Variants in CNTN2 observed in about 807,000 individuals in gnomAD.
CNTN2 encodes the protein contactin-2.
In CNTN2, 53 loss-of-function variants were observed where a neutral mutation model predicts 117.5. That is an observed-to-expected ratio of 0.45 (90% CI 0.36 to 0.57). The LOEUF is 0.57. Ranked by LOEUF, CNTN2 falls within the 20% of genes least tolerant of loss-of-function variation. The pLI is 0.00. For synonymous variants in CNTN2, 530 were observed against 561.7 expected, an observed-to-expected ratio of 0.94 and a Z score of 0.80; for missense variants, 1,106 against 1,404.3, an observed-to-expected ratio of 0.79 and a Z score of 3.39.
Position 205,070,512 on chromosome 1 carries a change from A to T in CNTN2, c.2518A>T (p.Met840Leu), listed in dbSNP as rs774325639. 6.2e-7 allele frequency: 1 copy of T among 1,613,880 alleles called. No individual in the cohort carries two copies. Among genetic ancestry groups the T allele is most frequent in the South Asian group, 1.1e-5 (1 of 91,036 alleles). ...NVTWEPVQQD[M>L]NGILLGYEIR... ...GACCTGGGAACCCGTGCAGCAGGAC[A>T]TGAATGGTATCCTCCTGGGGTATGA... The change falls in exon 19 of 23, where the codon ATG (methionine) becomes TTG (leucine). Residue 840 changes from methionine to leucine, a missense_variant. Coordinates refer to ENST00000331830, the MANE Select transcript of CNTN2 (RefSeq NM_005076.5).
At position 205,075,211 on chromosome 1, in the gene CNTN2, A is replaced by G. The variant is rs11240351; in HGVS notation, c.*1446A>G. 0.46 allele frequency: 128,145 copies of G among 278,686 alleles called. 31,695 individuals carry two copies. Among genetic ancestry groups the G allele is most frequent in the East Asian group, 0.85 (13,969 of 16,360 alleles). 17.3% of individuals were successfully genotyped at this position (278,686 alleles called of 1,614,324 possible). ...TGGCTATGGCCTGGCTAAGAAGGTG[A>G]TTAGTCAGTAGGGTGTGAAAATTCT... is the stretch of plus-strand genomic sequence containing the variant. On this transcript the variant is annotated 3_prime_UTR_variant, in exon 23 of 23. Transcript: ENST00000331830.
chr1:205,074,098 G>T lies in CNTN2; in HGVS notation c.*333G>T. On this transcript the variant is annotated 3_prime_UTR_variant, in exon 23 of 23. Coordinates refer to ENST00000331830, the MANE Select transcript of CNTN2 (RefSeq NM_005076.5). ...AAAAACATGTCTTCAACTCAGCAGA[G>T]ATGGCCCTCTGGGACCCTATACGGA... 1.8e-6 allele frequency: 1 copy of T among 557,616 alleles called. No individual in the cohort carries two copies. 34.5% of individuals were successfully genotyped at this position (557,616 alleles called of 1,614,324 possible).
At chr1:205,064,969 G>T in intron 12 of CNTN2, 118 bp from the exon 13 acceptor site, 1 of 1,291,346 alleles carries the variant, frequency 7.7e-7, no homozygotes, top group African/African-American at 1.5e-5. Flanking sequence ...GGACCTGTGG[G>T]TCACACCACC....
intron 2 of CNTN2, among the ~76,000 whole-genome samples, chr1:205,055,714 C>T (rs1208324482): frequency 6.6e-6 from 1 of 152,160 alleles, no homozygotes; most frequent in Non-Finnish European, 1.5e-5. Context: ...TGGCCAAGGT[C>T]CAACCCCCCA....
Position 205,065,931 on chromosome 1 carries a change from C to T in CNTN2, c.1816+22C>T. On this transcript the variant is annotated intron_variant, in intron 14 of 22. Transcript: ENST00000331830. This position sits in a 1 kb window ranked among gnomAD's most constrained non-coding sequence, Gnocchi z 4.1. ...CGAGGTGAGGGGTTTCCCACCTCTA[C>T]CCCTACCCCAACTCCCTTAAAACCC... The T allele has an allele frequency of 6.3e-7, 1 of 1,592,918 alleles. No individual in the cohort carries two copies. The highest frequency in any genetic ancestry group is 1.1e-5 in the South Asian group (1 of 87,480).
chr1:205,067,014 G>C, intron 15 of CNTN2, 87 bp from the exon 16 acceptor site: 1 of 1,491,842 alleles, frequency 6.7e-7, no homozygotes, highest in Non-Finnish European at 9.0e-7. Context: ...GGGCTGGGTA[G>C]ATAAGGGGTG....
chr1:205,062,059 C>A, intron 9 of CNTN2, 58 bp downstream of exon 9: 1 of 1,572,324 alleles, frequency 6.4e-7, no homozygotes. Context: ...CACTTGGTTC[C>A]CTCCCCCGCC....
At chr1:205,050,907 C>T (rs1341645369) in intron 1 of CNTN2, among the ~76,000 whole-genome samples, 1 of 152,234 alleles carries the variant, frequency 6.6e-6, no homozygotes, top group Non-Finnish European at 1.5e-5. Context: ...GCGTGAGCCA[C>T]GGTGCCCGGC....
intron 16 of CNTN2, chr1:205,069,142 A>C (rs1298438419): frequency 4.8e-6 from 1 of 208,398 alleles, no homozygotes; most frequent in Non-Finnish European, 9.5e-6. Flanking sequence ...TAAGGAGGAC[A>C]ATGATCATGT....
At chr1:205,064,581 A>C (rs374064071) in intron 11 of CNTN2, 42 bp from the exon 12 acceptor site, 3 of 1,607,550 alleles carry the variant, frequency 1.9e-6, no homozygotes, top group African/African-American at 1.3e-5. Context: ...CCCAGGGACA[A>C]CCATGCCTGA....
rs184113332 is a variant in CNTN2 at position 205,069,632 on chromosome 1, G to C, written c.2196+71G>C. On this transcript the variant is annotated intron_variant, in intron 17 of 22. Coordinates refer to ENST00000331830, the MANE Select transcript of CNTN2 (RefSeq NM_005076.5). Reference sequence around the variant, plus strand: ...CTCCCGCTTGAGCAGCTGCAGAAAGGACCACTGCACAGCTCTGACTCAAAC... The same window carrying C: ...CTCCCGCTTGAGCAGCTGCAGAAAGCACCACTGCACAGCTCTGACTCAAAC... 6 of 1,533,352 alleles carry C rather than the reference G, an allele frequency of 3.9e-6. No homozygotes were observed. In the East Asian group the frequency reaches 1.4e-4, roughly 35 times the overall value. The allele number at this position is 1,533,352 out of a possible 1,614,324, so 95.0% of individuals were successfully genotyped here. A position where few individuals can be genotyped will look rare whatever the true frequency, so the allele number is the denominator to read the frequency against.
chr1:205,066,478 C>T lies in CNTN2; in HGVS notation c.1854C>T (p.Asp618=). The T allele has an allele frequency of 6.2e-7, 1 of 1,614,050 alleles. No individual in the cohort carries two copies. Among genetic ancestry groups the T allele is most frequent in the Non-Finnish European group, 8.5e-7 (1 of 1,180,022 alleles). The change falls in exon 15 of 23, where the codon GAC becomes GAT. Residue 618 remains aspartate, a synonymous_variant. Coordinates refer to ENST00000331830, the MANE Select transcript of CNTN2 (RefSeq NM_005076.5). ...PGPPGGVVVR[D]IGDTTIQLSW... ...CCCCAGGAGGTGTGGTGGTGAGGGA[C>T]ATTGGCGACACCACCATCCAGCTCA...
intron 1 of CNTN2, among the ~76,000 whole-genome samples, chr1:205,051,826 A>T (rs995299100): frequency 2.6e-5 from 4 of 152,130 alleles, no homozygotes; most frequent in Non-Finnish European, 2.9e-5. Context: ...ATAGAGTGTG[A>T]TGTGAGACAG....
Position 205,073,159 on chromosome 1 carries a change from A to C in CNTN2, c.2936A>C (p.His979Pro). The C allele has an allele frequency of 6.2e-7, 1 of 1,614,170 alleles. No homozygotes were observed. The highest frequency in any genetic ancestry group is 1.1e-5 in the South Asian group (1 of 91,086). ...IEIPVPEDIG[H>P]ALVQIRTTGP... ...ATCCCAGTGCCTGAAGACATTGGCC[A>C]TGCCCTGGTACAAATTCGGACCACA... The change falls in exon 22 of 23, where the codon CAT (histidine) becomes CCT (proline). Residue 979 changes from histidine to proline, a missense_variant. By Grantham distance (77) the His-to-Pro change is moderately conservative (BLOSUM62 -2). Transcript: ENST00000331830. The surrounding 1 kb of genome is among the most constrained non-coding windows in gnomAD (Gnocchi z 6.3).
chr1:205,069,058 T>A, intron 16 of CNTN2: 1 of 157,662 alleles, frequency 6.3e-6, no homozygotes. Context: ...TTAACTGCAG[T>A]TCTGGGTTAT....
At chr1:205,047,142 A>C (rs1312054584) in intron 1 of CNTN2, among the ~76,000 whole-genome samples, 3 of 152,178 alleles carry the variant, frequency 2.0e-5, no homozygotes, top group African/African-American at 7.2e-5. Context: ...CAGCTCACAG[A>C]GGGGACTAAG....
intron 2 of CNTN2, among the ~76,000 whole-genome samples, chr1:205,055,870 A>G (rs1001504513): frequency 6.6e-6 from 1 of 152,218 alleles, no homozygotes; most frequent in African/African-American, 2.4e-5. Flanking sequence ...TATGGGATAA[A>G]TAGTAAGCAG....
intron 21 of CNTN2, chr1:205,072,841 G>T (rs1479045869): frequency 1.6e-6 from 1 of 634,438 alleles, no homozygotes; most frequent in Non-Finnish European, 2.7e-6. Flanking sequence ...GGACTATGGG[G>T]ATGGAGTATG....
rs115882464 is a variant in CNTN2, at chr1:205,062,498, C to T, written c.1169C>T (p.Ser390Leu). 10 of 1,613,906 alleles carry T rather than the reference C, an allele frequency of 6.2e-6. No homozygotes were observed. The highest frequency in any genetic ancestry group is 1.1e-5 in the South Asian group (1 of 91,070). Residue 390 changes from serine to leucine, a missense_variant, in exon 10 of 23, where the codon TCG becomes TTG. Transcript: ENST00000331830. ...TTCTCCAAGCTGAGCCTGGAAGACT[C>T]GGGCATGTACCAGTGTGTGGCAGAG... ...LRFSKLSLED[S>L]GMYQCVAENK...
Sources: gnomAD v4.1 joint callset for allele counts (sites outside exome capture counted in the v4.1 genomes callset) on GRCh38, gnomAD v4.1.1 for gene constraint, Gnocchi (gnomAD v3.1) non-coding constraint, MANE v1.5 for transcripts, NCBI Gene and HGNC (gene_info 2026-07-23, HGNC 2026-07-21) for gene names.